Variants in NALF1 observed in about 807,000 individuals in gnomAD.
NALF1 encodes the protein family with sequence similarity 155 member A.
Under a neutral mutation model 48.4 loss-of-function variants are expected in NALF1, and 3 were observed. That is an observed-to-expected ratio of 0.06 (90% CI 0.03 to 0.16). The LOEUF (loss-of-function observed/expected upper bound fraction) is 0.16. Among genes scored for constraint, NALF1 ranks in the 10% least tolerant of loss-of-function variants. NALF1 has a pLI of 1.00. For missense variants in NALF1, 526 were observed against 571.5 expected (o/e 0.92, Z 0.81); for synonymous variants, 262 against 245.7 (o/e 1.07, Z -0.62).
chr13:107,349,346 C>T (rs575648576), intron 1 of NALF1, among the ~76,000 whole-genome samples: 1 of 152,076 alleles, frequency 6.6e-6, no homozygotes. Flanking sequence ...ATAAAAGTGA[C>T]GTCTGCCCCT....
At chr13:107,702,528 T>C (rs950604999) in intron 1 of NALF1, among the ~76,000 whole-genome samples, 4 of 152,050 alleles carry the variant, frequency 2.6e-5, no homozygotes, top group African/African-American at 9.7e-5. Flanking sequence ...AGTTTTATGG[T>C]GTTTTGTTTT....
intron 1 of NALF1, among the ~76,000 whole-genome samples, chr13:107,703,064 T>TA (rs1881862653): frequency 6.6e-6 from 1 of 152,198 alleles, no homozygotes; most frequent in Non-Finnish European, 1.5e-5. Context: ...ATATACCCAA[T>TA]AACAGGATTG....
Position 107,250,050 on chromosome 13 carries a change from T to C in NALF1, c.916-39295A>G, listed in dbSNP as rs560333321. ...TCTCTAGGGGTTTTAGAGAATCTGT[T>C]GATTCTCTAAATCAACTGATTTAGA... is the stretch of plus-strand genomic sequence containing the variant. On this transcript the variant is annotated intron_variant, in intron 1 of 2. Coordinates refer to ENST00000375915, the MANE Select transcript of NALF1 (RefSeq NM_001080396.3). Among the ~76,000 whole-genome samples the C allele has an allele frequency of 2.0e-5, 3 of 151,730 alleles. No homozygotes were observed. In the East Asian group the frequency reaches 5.8e-4, roughly 29 times the overall value.
chr13:107,800,642 T>G (rs1379794949), intron 1 of NALF1, among the ~76,000 whole-genome samples: 1 of 146,522 alleles, frequency 6.8e-6, no homozygotes, highest in Non-Finnish European at 1.5e-5. Flanking sequence ...ATAATACATA[T>G]AAGATATATA....
At chr13:107,638,631 T>TA (rs1880057760) in intron 1 of NALF1, among the ~76,000 whole-genome samples, 1 of 152,028 alleles carries the variant, frequency 6.6e-6, no homozygotes, top group Non-Finnish European at 1.5e-5. Flanking sequence ...GAAAAACTAA[T>TA]AACAGTACAA....
chr13:107,550,051 C>G (rs888663350), intron 1 of NALF1, among the ~76,000 whole-genome samples: 1 of 152,060 alleles, frequency 6.6e-6, no homozygotes, highest in Non-Finnish European at 1.5e-5. Flanking sequence ...CAAATGATGA[C>G]CCATAATCGC....
chr13:107,183,014 G>T (rs565476064), intron 2 of NALF1, among the ~76,000 whole-genome samples: 5 of 152,190 alleles, frequency 3.3e-5, no homozygotes, highest in Admixed American at 6.5e-5. Context: ...TTAAGGTATT[G>T]TATGGCCATG....
In NALF1 at chr13:107,424,275, C is replaced by A. The variant is rs552560662; in HGVS notation, c.916-213520G>T. Among the ~76,000 whole-genome samples the A allele has an allele frequency of 3.9e-5, 6 of 152,248 alleles. No homozygotes were observed. The East Asian group carries it at 9.7e-4, about 25-fold the overall frequency. ...GCCTAAGCCTCCCAAGTAGCTGGGA[C>A]TATAGGTGCACACCACCATGCCTGG... On this transcript the variant is annotated intron_variant, in intron 1 of 2. Coordinates refer to ENST00000375915, the MANE Select transcript of NALF1 (RefSeq NM_001080396.3).
chr13:107,796,851 C>T (rs1245442795), intron 1 of NALF1, among the ~76,000 whole-genome samples: 1 of 152,158 alleles, frequency 6.6e-6, no homozygotes, highest in Non-Finnish European at 1.5e-5. Flanking sequence ...AAGAAAAACT[C>T]CTTAACAGAG....
chr13:107,444,495 A>G (rs1193367674), intron 1 of NALF1, among the ~76,000 whole-genome samples: 1 of 151,492 alleles, frequency 6.6e-6, no homozygotes, highest in African/African-American at 2.5e-5. Context: ...CTTATTCTAT[A>G]AATAAGAGAG....
At chr13:107,469,328 G>A (rs16970167) in intron 1 of NALF1, among the ~76,000 whole-genome samples, 10,871 of 152,056 alleles carry the variant, frequency 0.071, 726 homozygotes, top group Admixed American at 0.2. Flanking sequence ...TCTTATAGAC[G>A]ATGCCTCAAG....
chr13:107,474,993 G>A (rs549902738), intron 1 of NALF1, among the ~76,000 whole-genome samples: 2 of 152,220 alleles, frequency 1.3e-5, no homozygotes, highest in East Asian at 1.9e-4. Flanking sequence ...ATCAGAGCAC[G>A]TCATCTGCTA....
In NALF1 at chr13:107,502,671, T is replaced by C. The variant is rs377337368; in HGVS notation, c.916-291916A>G. Among the ~76,000 whole-genome samples, 6 of 152,302 alleles carry C rather than the reference T, an allele frequency of 3.9e-5. No homozygotes were observed. In the East Asian group the frequency reaches 7.7e-4, roughly 20 times the overall value. ...AACCATTTAAACAACACATTCCAGA[T>C]ATTACATATTTTTTCAGACCATGAG... On this transcript the variant is annotated intron_variant, in intron 1 of 2. Coordinates refer to ENST00000375915, the MANE Select transcript of NALF1 (RefSeq NM_001080396.3).
chr13:107,393,593 G>T (rs1883662104), intron 1 of NALF1, among the ~76,000 whole-genome samples: 1 of 152,208 alleles, frequency 6.6e-6, no homozygotes, highest in Admixed American at 6.6e-5. Flanking sequence ...CCGCCCATAG[G>T]TTTCTCCCTT....
chr13:107,483,357 A>G (rs532876086), intron 1 of NALF1, among the ~76,000 whole-genome samples: 1 of 152,286 alleles, frequency 6.6e-6, no homozygotes, highest in Non-Finnish European at 1.5e-5. Flanking sequence ...GGCTTGTCAC[A>G]TTTTAATTGT....
At chr13:107,637,295 AGTT>A (rs1880005967) in intron 1 of NALF1, among the ~76,000 whole-genome samples, 1 of 151,970 alleles carries the variant, frequency 6.6e-6, no homozygotes, top group Non-Finnish European at 1.5e-5. Flanking sequence ...TTATTTGTTA[AGTT>A]GTTGGGGAAT....
chr13:107,339,050 C>T (rs1342908704), intron 1 of NALF1, among the ~76,000 whole-genome samples: 4 of 149,130 alleles, frequency 2.7e-5, no homozygotes, highest in African/African-American at 5.0e-5. Flanking sequence ...AGGAGAATGG[C>T]GTGAACTCGG....
At position 107,170,545 on chromosome 13, in the gene NALF1, G is replaced by A; in HGVS notation, c.1329C>T (p.Ser443=). ...ASAAQNTAGL[S]FGGINTLEEN... ...CTTCCAGCGTGTTGATGCCTCCAAA[G>A]CTCAGTCCGGCTGTGTTCTGTGCTG... The change falls in exon 3 of 3, where the codon AGC becomes AGT. Residue 443 remains serine (S), a synonymous_variant. Transcript: ENST00000375915. The A allele has an allele frequency of 6.2e-7, 1 of 1,612,922 alleles. No individual in the cohort carries two copies. Among genetic ancestry groups the A allele is most frequent in the Non-Finnish European group, 8.5e-7 (1 of 1,179,220 alleles).
intron 1 of NALF1, among the ~76,000 whole-genome samples, chr13:107,337,145 C>G (rs1036550625): frequency 1.3e-5 from 2 of 148,188 alleles, no homozygotes; most frequent in Admixed American, 6.7e-5. Flanking sequence ...ATGTAAGTAT[C>G]TGGGTGGTCA....
Sources: gnomAD v4.1 joint callset for allele counts (sites outside exome capture counted in the v4.1 genomes callset) on GRCh38, gnomAD v4.1.1 for gene constraint, MANE v1.5 for transcripts, NCBI Gene and HGNC (gene_info 2026-07-23, HGNC 2026-07-21) for gene names.